NECTIN1: variants seen among roughly 807,000 people sequenced by gnomAD.
The protein encoded by NECTIN1 is nectin-1.
A neutral mutation model predicts 48.0 loss-of-function variants in NECTIN1; 23 were observed. The ratio of observed to expected loss-of-function variants is 0.48; its 90% CI spans 0.34 to 0.68. The LOEUF is 0.68. Among genes scored for constraint, NECTIN1 ranks in the 30% least tolerant of loss-of-function variants. The pLI, the probability that NECTIN1 is intolerant of heterozygous loss-of-function variation, is 0.01. For synonymous variants in NECTIN1, 270 were observed against 288.9 expected, an observed-to-expected ratio of 0.93 and a Z score of 0.66; for missense variants, 591 against 709.9, an observed-to-expected ratio of 0.83 and a Z score of 1.90.
chr11:119,712,057 T>C (rs1865658037), intron 1 of NECTIN1, among the ~76,000 whole-genome samples: 2 of 152,044 alleles, frequency 1.3e-5, no homozygotes, highest in African/African-American at 2.4e-5. Flanking sequence ...ATCACAGAAA[T>C]GGGAAGAGCT....
chr11:119,674,491 T>A (rs1238189743), intron 5 of NECTIN1: 2 of 1,612,578 alleles, frequency 1.2e-6, no homozygotes, highest in Non-Finnish European at 1.7e-6. Context: ...AGGTACATCA[T>A]ACTGTCCCCG....
At chr11:119,669,352 AG>A (rs1472303319) in intron 5 of NECTIN1, among the ~76,000 whole-genome samples, 1 of 150,758 alleles carries the variant, frequency 6.6e-6, no homozygotes, top group Non-Finnish European at 1.5e-5. Context: ...TGGAGGTTGC[AG>A]TGAGCCAAGT....
In NECTIN1 at chr11:119,678,669, C is replaced by G; in HGVS notation, c.176G>C (p.Ser59Thr). Residue 59 changes from serine to threonine, a missense_variant, in exon 2 of 6, where the codon AGC becomes ACC. By Grantham distance (58) the Ser-to-Thr change is moderately conservative. Transcript: ENST00000264025. This position sits in a 1 kb window ranked among gnomAD's most constrained non-coding sequence, Gnocchi z 4.4. ...LHCSFANPLP[S>T]VKITQVTWQK... ...CCATGTGACCTGGGTGATCTTCACG[C>G]TGGGAAGCGGGTTGGCAAAGCTGCA... The G allele has an allele frequency of 6.2e-7, 1 of 1,614,028 alleles. No homozygotes were observed. Among genetic ancestry groups the G allele is most frequent in the Non-Finnish European group, 8.5e-7 (1 of 1,180,010 alleles).
intron 1 of NECTIN1, among the ~76,000 whole-genome samples, chr11:119,706,307 C>A (rs1389105602): frequency 6.6e-6 from 1 of 152,220 alleles, no homozygotes; most frequent in Non-Finnish European, 1.5e-5. Context: ...TTTGTAGGGG[C>A]AGAAGGTCTG....
chr11:119,662,241 C>A lies in NECTIN1; in HGVS notation c.*2506G>T. On this transcript the variant is annotated 3_prime_UTR_variant, in exon 6 of 6. Transcript: ENST00000264025. The surrounding 1 kb of genome is among the most constrained non-coding windows in gnomAD (Gnocchi z 5.3). The stretch of plus-strand genomic sequence containing the variant: ...CTGGGCTAGACCTCCCTTTTGCCAG[C>A]TGGCTGTGTCTGTGGGCCCAGCAGT... 7 of 985,598 alleles carry A rather than the reference C, an allele frequency of 7.1e-6. No homozygotes were observed. Among genetic ancestry groups the A allele is most frequent in the Non-Finnish European group, 8.4e-6 (7 of 829,952 alleles). 61.1% of individuals were successfully genotyped at this position (985,598 alleles called of 1,614,324 possible).
chr11:119,678,816 C>A lies in NECTIN1; in HGVS notation c.80-51G>T, dbSNP rs79996936. 24 of 1,279,302 alleles carry A rather than the reference C, an allele frequency of 1.9e-5. No homozygotes were observed. The highest frequency in any genetic ancestry group is 1.2e-4 in the Admixed American group (6 of 51,590). The allele number at this position is 1,279,302 out of a possible 1,614,324, so 79.2% of individuals were successfully genotyped here. A position where few individuals can be genotyped will look rare whatever the true frequency, so the allele number is the denominator to read the frequency against. On this transcript the variant is annotated intron_variant, in intron 1 of 5. Coordinates refer to ENST00000264025, the MANE Select transcript of NECTIN1 (RefSeq NM_002855.5). The surrounding 1 kb of genome is among the most constrained non-coding windows in gnomAD (Gnocchi z 4.4). ...GTCAGTGTCAGGCACAGCCTCCCCC[C>A]ACCCACACAGTTCCCTGTGCTCTGG...
At chr11:119,669,456 T>A (rs1434582099) in intron 5 of NECTIN1, among the ~76,000 whole-genome samples, 1 of 150,924 alleles carries the variant, frequency 6.6e-6, no homozygotes, top group Non-Finnish European at 1.5e-5. Flanking sequence ...CTTCTCACCG[T>A]CTCCATCACT....
rs1175794187 is a variant in NECTIN1 at position 119,727,882 on chromosome 11, C to T, written c.79+593G>A. Among the ~76,000 whole-genome samples the T allele has an allele frequency of 6.6e-6, 1 of 152,230 alleles. No homozygotes were observed. The highest frequency in any genetic ancestry group is 2.4e-5 in the African/African-American group (1 of 41,462). On this transcript the variant is annotated intron_variant, in intron 1 of 5. Transcript: ENST00000264025. This position sits in a 1 kb window ranked among gnomAD's most constrained non-coding sequence, Gnocchi z 4.1. ...CAGGCCGGGAGGAGGCTGCCCCGGC[C>T]TCACCCTCCAGGAAAGGAACCGCAG... is the stretch of plus-strand genomic sequence containing the variant.
At chr11:119,650,578 T>C (rs1204609556) in intron 5 of NECTIN1, among the ~76,000 whole-genome samples, 2 of 152,192 alleles carry the variant, frequency 1.3e-5, no homozygotes, top group Non-Finnish European at 2.9e-5. Flanking sequence ...CCTCCTTCCC[T>C]GATGCCAGGG....
chr11:119,661,778 T>A lies in NECTIN1; in HGVS notation c.*2969A>T, dbSNP rs768510314. 370 of 985,554 alleles carry A rather than the reference T, an allele frequency of 3.8e-4. No individual in the cohort carries two copies. The highest frequency in any genetic ancestry group is 4.2e-4 in the Non-Finnish European group (349 of 829,960). 61.1% of individuals were successfully genotyped at this position (985,554 alleles called of 1,614,324 possible). On this transcript the variant is annotated 3_prime_UTR_variant, in exon 6 of 6. Transcript: ENST00000264025. Reference sequence around the variant, plus strand: ...TTCTCCTTAATGGCTTTCAGCAGGATCAGACCATTCCCTCTGCCACATCTG... The same window carrying A: ...TTCTCCTTAATGGCTTTCAGCAGGAACAGACCATTCCCTCTGCCACATCTG...
At chr11:119,700,345 G>C (rs1213144653) in intron 1 of NECTIN1, among the ~76,000 whole-genome samples, 1 of 152,240 alleles carries the variant, frequency 6.6e-6, no homozygotes, top group Non-Finnish European at 1.5e-5. Flanking sequence ...CGGACACCTA[G>C]TTCGTGAAAG....
At chr11:119,680,065 T>C (rs1865031625) in intron 1 of NECTIN1, among the ~76,000 whole-genome samples, 1 of 152,206 alleles carries the variant, frequency 6.6e-6, no homozygotes, top group African/African-American at 2.4e-5. Context: ...TGCTAGTAAA[T>C]ATTTGTTACT....
At chr11:119,639,810 G>A (rs945724469) in intron 6 of NECTIN1, 12 of 1,611,658 alleles carry the variant, frequency 7.4e-6, no homozygotes, top group Non-Finnish European at 9.3e-6. Context: ...GGGCTCCCAG[G>A]GTGCTGGGGA....
Position 119,665,334 on chromosome 11 carries a change from C to T in NECTIN1, c.1004-37G>A, listed in dbSNP as rs372889585. The T allele has an allele frequency of 7.5e-6, 9 of 1,193,222 alleles. No homozygotes were observed. The highest frequency in any genetic ancestry group is 1.6e-5 in the African/African-American group (1 of 64,070). The allele number at this position is 1,193,222 out of a possible 1,614,324, so 73.9% of individuals were successfully genotyped here. A position where few individuals can be genotyped will look rare whatever the true frequency, so the allele number is the denominator to read the frequency against. The stretch of plus-strand genomic sequence containing the variant: ...AAAGAGATGGAGGGGACAGCATCAG[C>T]GTGTGCTCCTGGGGTGTAGAGGGGG... On this transcript the variant is annotated intron_variant, in intron 5 of 5. Coordinates refer to ENST00000264025, the MANE Select transcript of NECTIN1 (RefSeq NM_002855.5). The surrounding 1 kb of genome is among the most constrained non-coding windows in gnomAD (Gnocchi z 5.1).
At chr11:119,653,276 A>G (rs1353789877) in intron 5 of NECTIN1, among the ~76,000 whole-genome samples, 1 of 152,256 alleles carries the variant, frequency 6.6e-6, no homozygotes, top group Non-Finnish European at 1.5e-5. Flanking sequence ...CCCGGCAAGT[A>G]AAAATGATCA....
In NECTIN1 at chr11:119,663,150, G is replaced by A. The variant is rs1864697435; in HGVS notation, c.*1597C>T. 1.0e-6 allele frequency: 1 copy of A among 985,416 alleles called. No individual in the cohort carries two copies. Among genetic ancestry groups the A allele is most frequent in the African/African-American group, 1.7e-5 (1 of 57,230 alleles). The allele number at this position is 985,416 out of a possible 1,614,324, so 61.0% of individuals were successfully genotyped here. Reference sequence around the variant, plus strand: ...ATCCTGCAGAGCCCCTGACACCCTGGGGTGAGTTAACTGGAATCCCAGTGG... The same window carrying A: ...ATCCTGCAGAGCCCCTGACACCCTGAGGTGAGTTAACTGGAATCCCAGTGG... On this transcript the variant is annotated 3_prime_UTR_variant, in exon 6 of 6. Transcript: ENST00000264025.
rs572202348 is a variant in NECTIN1, at chr11:119,663,579, G to A, written c.*1168C>T. 9.0e-5 allele frequency: 89 copies of A among 985,626 alleles called. No individual in the cohort carries two copies. The South Asian group carries it at 3.1e-3, about 34-fold the overall frequency. The allele number at this position is 985,626 out of a possible 1,614,324, so 61.1% of individuals were successfully genotyped here. On this transcript the variant is annotated 3_prime_UTR_variant, in exon 6 of 6. Coordinates refer to ENST00000264025, the MANE Select transcript of NECTIN1 (RefSeq NM_002855.5). ...CTCCTCAGTCCCTCGGACTGTGTTT[G>A]CAGAGCTTCTGCCATGTGGGCTTCC...
At chr11:119,639,054 TGG>T (rs1416393826) in intron 6 of NECTIN1, among the ~76,000 whole-genome samples, 1 of 152,078 alleles carries the variant, frequency 6.6e-6, no homozygotes, top group African/African-American at 2.4e-5. Flanking sequence ...CAGCTTGGGA[TGG>T]GAACCATGTG....
At chr11:119,716,759 T>C (rs1370180012) in intron 1 of NECTIN1, among the ~76,000 whole-genome samples, 1 of 152,222 alleles carries the variant, frequency 6.6e-6, no homozygotes, top group Non-Finnish European at 1.5e-5. Flanking sequence ...AGCCAGGCTG[T>C]GCCCCCAACC....
Sources: allele counts gnomAD v4.1 joint callset (sites outside exome capture counted in the v4.1 genomes callset), GRCh38; gene constraint gnomAD v4.1.1; non-coding constraint Gnocchi (gnomAD v3.1); transcripts MANE v1.5; gene names NCBI Gene and HGNC (gene_info 2026-07-23, HGNC 2026-07-21).